Variants in ANKRD28 observed in about 807,000 individuals in gnomAD.
The protein encoded by ANKRD28 is ankyrin repeat domain 28.
ANKRD28 carries 44 observed loss-of-function variants against 126.5 expected under a neutral mutation model. The ratio of observed to expected loss-of-function variants is 0.35; its 90% CI spans 0.27 to 0.45. ANKRD28 has a LOEUF of 0.45. ANKRD28 is among the 20% of genes least tolerant of loss of function. The probability of loss-of-function intolerance (pLI) is 1.00; values close to 1 mark genes in which losing one functional copy is unlikely to be tolerated. For synonymous variants in ANKRD28, 442 were observed against 468.5 expected, an observed-to-expected ratio of 0.94 and a Z score of 0.73; for missense variants, 1,110 against 1,316.6, an observed-to-expected ratio of 0.84 and a Z score of 2.43.
intron 1 of ANKRD28, among the ~76,000 whole-genome samples, chr3:15,857,617 T>C (rs1351517240): frequency 1.3e-5 from 2 of 152,202 alleles, no homozygotes; most frequent in Non-Finnish European, 2.9e-5. Context: ...ATATTACCAC[T>C]GAAGATTAAT....
chr3:15,670,401 T>G lies in ANKRD28; in HGVS notation c.3121A>C (p.Ser1041Arg). 6.2e-7 allele frequency: 1 copy of G among 1,613,958 alleles called. No homozygotes were observed. The highest frequency in any genetic ancestry group is 1.1e-5 in the South Asian group (1 of 91,078). The change falls in exon 28 of 28, where the codon AGC (serine) becomes CGC (arginine). Residue 1041 changes from serine to arginine, a missense_variant. Coordinates refer to ENST00000683139, the MANE Select transcript of ANKRD28 (RefSeq NM_001349278.2). ...CTCATGATGGGCAAAGCTTCAAAGC[T>G]GACTGTTTTTGAGGTGTTGGTATAA... is the stretch of plus-strand genomic sequence containing the variant. ...NRYTNTSKTV[S>R]FEALPIMRNE...
At chr3:15,691,216 T>C (rs890649762) in intron 17 of ANKRD28, among the ~76,000 whole-genome samples, 2 of 151,344 alleles carry the variant, frequency 1.3e-5, no homozygotes, top group African/African-American at 2.4e-5. Context: ...TCCGCCTCCC[T>C]GGGTTCAAGC....
chr3:15,784,750 A>G (rs2059696527), intron 2 of ANKRD28, among the ~76,000 whole-genome samples: 1 of 152,210 alleles, frequency 6.6e-6, no homozygotes, highest in East Asian at 1.9e-4. Flanking sequence ...CCAAGTATAT[A>G]TTGTCTGTAA....
In ANKRD28 at chr3:15,751,822, T is replaced by C; in HGVS notation, c.281-2A>G. 1.3e-6 allele frequency: 2 copies of C among 1,558,880 alleles called. No individual in the cohort carries two copies. ...TGTCTTTGGCATTAACTCTAGCTCC[T>C]GCAACAAGAAGAAAAAAATAAATTG... On this transcript the variant is annotated splice_acceptor_variant, in intron 3 of 27. Coordinates refer to ENST00000683139, the MANE Select transcript of ANKRD28 (RefSeq NM_001349278.2). LOFTEE classifies it high-confidence loss of function.
chr3:15,832,086 G>A (rs1381724512), intron 1 of ANKRD28, among the ~76,000 whole-genome samples: 1 of 152,192 alleles, frequency 6.6e-6, no homozygotes, highest in Non-Finnish European at 1.5e-5. Context: ...AGACACAGCA[G>A]TAAATAAAAG....
intron 4 of ANKRD28, among the ~76,000 whole-genome samples, chr3:15,741,901 T>A (rs1224067309): frequency 1.3e-5 from 2 of 151,954 alleles, no homozygotes; most frequent in African/African-American, 4.8e-5. Context: ...CACGCCTGAC[T>A]GGTTTTCGTA....
chr3:15,736,912 G>T, intron 5 of ANKRD28, 121 bp downstream of exon 5: 1 of 1,059,296 alleles, frequency 9.4e-7, no homozygotes, highest in East Asian at 2.4e-5. Context: ...GGCAAAATTA[G>T]ACAAAAATGA....
At position 15,835,671 on chromosome 3, in the gene ANKRD28, C is replaced by T. The variant is rs549993037; in HGVS notation, c.27+23706G>A. ...ATTGACGTCTACATAACTTCTCTCCCAGCCTCATCTTGTGCCATCCCTTCG... is the reference window on the plus strand; with the variant it reads ...ATTGACGTCTACATAACTTCTCTCCTAGCCTCATCTTGTGCCATCCCTTCG... On this transcript the variant is annotated intron_variant, in intron 1 of 27. Coordinates refer to the ANKRD28 transcript ENST00000399451. 3.9e-5 allele frequency among the ~76,000 whole-genome samples: 6 copies of T among 152,324 alleles called. No individual in the cohort carries two copies. In the East Asian group the frequency reaches 1.2e-3, roughly 29 times the overall value.
At chr3:15,724,574 A>T in intron 6 of ANKRD28, 50 bp from the exon 7 acceptor site, 1 of 1,476,394 alleles carries the variant, frequency 6.8e-7, no homozygotes. Flanking sequence ...TATGAAAACT[A>T]TTAAATATAA....
upstream of ANKRD28, chr3:15,798,213 G>GGCTTAACT (rs1323821320): frequency 1.0e-6 from 1 of 968,864 alleles, no homozygotes; most frequent in South Asian, 4.8e-5. Context: ...AATTCCAAAC[G>GGCTTAACT]GCTTAACTGC....
chr3:15,677,152 C>A, intron 25 of ANKRD28, 96 bp from the exon 26 acceptor site: 1 of 915,264 alleles, frequency 1.1e-6, no homozygotes, highest in South Asian at 1.4e-5. Context: ...ATATTATGTA[C>A]AACACCATAC....
At chr3:15,677,283 T>G (rs2067039693) in intron 25 of ANKRD28, among the ~76,000 whole-genome samples, 197 bp downstream of exon 25, 1 of 152,196 alleles carries the variant, frequency 6.6e-6, no homozygotes, top group African/African-American at 2.4e-5. Flanking sequence ...CTTAGACTTG[T>G]GTTCCAAAAC....
intron 2 of ANKRD28, among the ~76,000 whole-genome samples, chr3:15,787,842 T>A (rs897419644): frequency 7.9e-5 from 12 of 152,318 alleles, no homozygotes; most frequent in African/African-American, 1.9e-4. Context: ...GAACATCATT[T>A]CAATGATTTC....
At chr3:15,856,995 T>C (rs1446974588) in intron 1 of ANKRD28, among the ~76,000 whole-genome samples, 4 of 152,228 alleles carry the variant, frequency 2.6e-5, no homozygotes, top group East Asian at 1.9e-4. Flanking sequence ...TGTATGTCCT[T>C]ACCCGTATCT....
chr3:15,711,109 A>G, intron 12 of ANKRD28, 102 bp downstream of exon 12: 1 of 1,019,536 alleles, frequency 9.8e-7, no homozygotes, highest in Non-Finnish European at 1.4e-6. Context: ...TTTGTTTTCT[A>G]TTTTCTGGCA....
intron 1 of ANKRD28, among the ~76,000 whole-genome samples, chr3:15,837,533 C>T (rs1416273161): frequency 6.6e-6 from 1 of 151,872 alleles, no homozygotes. Context: ...AACAAGACAC[C>T]TGTAAATAAC....
chr3:15,668,198 T>C lies in ANKRD28; in HGVS notation c.*2072A>G, dbSNP rs953581724. ...GTTCAAGGTGGAAAGATCACCCTTG[T>C]AGAAGGGACTCCTGCATTTGTTAAG... On this transcript the variant is annotated 3_prime_UTR_variant, in exon 28 of 28. Transcript: ENST00000683139. 1 of 152,168 alleles carries C rather than the reference T, an allele frequency of 6.6e-6. No homozygotes were observed. The highest frequency in any genetic ancestry group is 2.4e-5 in the African/African-American group (1 of 41,432). The allele number at this position is 152,168 out of a possible 1,614,324, so 9.4% of individuals were successfully genotyped here.
chr3:15,792,693 A>G (rs2060088582), intron 2 of ANKRD28, among the ~76,000 whole-genome samples: 2 of 152,210 alleles, frequency 1.3e-5, no homozygotes, highest in African/African-American at 2.4e-5. Context: ...ATATTTTAAA[A>G]TAACTTAAAT....
In ANKRD28 at chr3:15,853,328, G is replaced by A. The variant is rs1209069177; in HGVS notation, c.27+6049C>T. ...TGGGCATCTCACCCCAGTCCAGAAT[G>A]AGTACATTCACTGAATATAAATTTT... On this transcript the variant is annotated intron_variant, in intron 1 of 27. Coordinates refer to the ANKRD28 transcript ENST00000399451. This position sits in a 1 kb window ranked among gnomAD's most constrained non-coding sequence, Gnocchi z 4.2. Among the ~76,000 whole-genome samples the A allele has an allele frequency of 2.0e-5, 3 of 152,032 alleles. No individual in the cohort carries two copies. The highest frequency in any genetic ancestry group is 2.0e-4 in the Admixed American group (3 of 15,274).
Sources: gnomAD v4.1 joint callset for allele counts (sites outside exome capture counted in the v4.1 genomes callset) on GRCh38, gnomAD v4.1.1 for gene constraint, Gnocchi (gnomAD v3.1) non-coding constraint, MANE v1.5 for transcripts, NCBI Gene and HGNC (gene_info 2026-07-23, HGNC 2026-07-21) for gene names.